ZBTB20: variants seen among roughly 807,000 people sequenced by gnomAD.
The protein encoded by ZBTB20 is zinc finger and BTB domain-containing protein 20.
In ZBTB20, 9 loss-of-function variants were observed where a neutral mutation model predicts 56.9. The observed-to-expected ratio is 0.16, with a 90% confidence interval of 0.10 to 0.28. ZBTB20 has a LOEUF of 0.28. Among genes scored for constraint, ZBTB20 ranks in the 10% least tolerant of loss-of-function variants. The probability of loss-of-function intolerance (pLI) is 1.00; values close to 1 mark genes in which losing one functional copy is unlikely to be tolerated. For missense variants in ZBTB20, 655 were observed against 1,003.0 expected, an observed-to-expected ratio of 0.65 and a Z score of 4.69; for synonymous variants, 417 against 420.7, an observed-to-expected ratio of 0.99 and a Z score of 0.11.
chr3:114,476,543 A>T (rs2040790670), intron 7 of ZBTB20, among the ~76,000 whole-genome samples: 1 of 152,232 alleles, frequency 6.6e-6, no homozygotes, highest in African/African-American at 2.4e-5. Flanking sequence ...TTCTTGCTAG[A>T]TCATCCCATG....
At chr3:114,769,120 T>C (rs948628739) in intron 5 of ZBTB20, among the ~76,000 whole-genome samples, 3 of 152,196 alleles carry the variant, frequency 2.0e-5, no homozygotes, top group Non-Finnish European at 2.9e-5. Flanking sequence ...ATCTTATGGA[T>C]GATGTTTGCA....
At chr3:114,767,309 T>G (rs1211925047) in intron 5 of ZBTB20, among the ~76,000 whole-genome samples, 1 of 152,098 alleles carries the variant, frequency 6.6e-6, no homozygotes, top group Non-Finnish European at 1.5e-5. Context: ...AAATAACTTC[T>G]GCAGAGCACT....
chr3:114,735,450 T>C (rs147936769), intron 5 of ZBTB20, among the ~76,000 whole-genome samples: 51 of 152,234 alleles, frequency 3.4e-4, no homozygotes, highest in African/African-American at 8.7e-4. Flanking sequence ...AGCAGATGCA[T>C]TGGGCCCAAA....
chr3:114,958,390 ATTTAAAAAT>A (rs1489951163), intron 3 of ZBTB20, among the ~76,000 whole-genome samples: 1 of 152,222 alleles, frequency 6.6e-6, no homozygotes. Flanking sequence ...ACAGTTCAAC[ATTTAAAAAT>A]TTTTTAATGA....
At chr3:114,394,027 C>T (rs77774261) in intron 7 of ZBTB20, among the ~76,000 whole-genome samples, 4,082 of 152,244 alleles carry the variant, frequency 0.027, 71 homozygotes, top group Middle Eastern at 0.088. Flanking sequence ...TAGGAAATCA[C>T]ACCACATCGT....
intron 6 of ZBTB20, among the ~76,000 whole-genome samples, chr3:114,577,760 C>G (rs2054238878): frequency 6.6e-6 from 1 of 152,022 alleles, no homozygotes; most frequent in South Asian, 2.1e-4. Context: ...GACCTGAGAG[C>G]TGGAAGAATA....
rs2107972660 is a variant in ZBTB20 at position 114,316,128 on chromosome 3, A to T, written c.*22877T>A. ...GTTTGTTGTGGGTGACGAGTTTAAA[A>T]ATGTTTTTCATAGCCAGAAACTGAA... is the stretch of plus-strand genomic sequence containing the variant. On this transcript the variant is annotated 3_prime_UTR_variant, in exon 12 of 12. Transcript: ENST00000675478. 3.9e-6 allele frequency: 1 copy of T among 258,418 alleles called. No individual in the cohort carries two copies. The highest frequency in any genetic ancestry group is 3.8e-5 in the South Asian group (1 of 26,054). 16.0% of individuals were successfully genotyped at this position (258,418 alleles called of 1,614,324 possible). A position where few individuals can be genotyped will look rare whatever the true frequency, so the allele number is the denominator to read the frequency against.
chr3:114,350,528 G>T lies in ZBTB20; in HGVS notation c.1550C>A (p.Ala517Glu), dbSNP rs771120579. 2 of 1,613,984 alleles carry T rather than the reference G, an allele frequency of 1.2e-6. No individual in the cohort carries two copies. Among genetic ancestry groups the T allele is most frequent in the Non-Finnish European group, 1.7e-6 (2 of 1,180,026 alleles). ...GAGGAAAGGCTTGGGGCCACTGCCC[G>T]CGGGCTGGGTAGTGAAGAGGGCTGG... is the stretch of plus-strand genomic sequence containing the variant. ...YLPALFTTQP[A>E]GSGPKPFLFS... Residue 517 changes from alanine (A) to glutamate (E), a missense_variant, in exon 11 of 12, where the codon GCG (alanine) becomes GAG (glutamate). Coordinates refer to ENST00000675478, the MANE Select transcript of ZBTB20 (RefSeq NM_001348800.3).
chr3:114,920,201 T>C (rs916512941), intron 3 of ZBTB20, among the ~76,000 whole-genome samples: 12 of 152,180 alleles, frequency 7.9e-5, no homozygotes, highest in African/African-American at 2.4e-4. Context: ...TATTCCACTT[T>C]CAAAAATGGA....
At chr3:114,588,215 T>A (rs952921714) in intron 6 of ZBTB20, among the ~76,000 whole-genome samples, 5 of 152,220 alleles carry the variant, frequency 3.3e-5, no homozygotes, top group Admixed American at 6.5e-5. Flanking sequence ...CTTCAAACTT[T>A]GCACAGAATG....
At chr3:114,733,904 G>A (rs561625196) in intron 5 of ZBTB20, among the ~76,000 whole-genome samples, 5 of 151,990 alleles carry the variant, frequency 3.3e-5, no homozygotes, top group Non-Finnish European at 5.9e-5. Context: ...GGCTCCTGGA[G>A]GAAACAAACC....
chr3:114,696,396 C>T (rs2063014431), intron 5 of ZBTB20, among the ~76,000 whole-genome samples: 1 of 152,024 alleles, frequency 6.6e-6, no homozygotes, highest in African/African-American at 2.4e-5. Context: ...CATCCATCCT[C>T]TCTTCCACCC....
chr3:114,768,041 G>A (rs1384274217), intron 5 of ZBTB20, among the ~76,000 whole-genome samples: 1 of 152,024 alleles, frequency 6.6e-6, no homozygotes, highest in East Asian at 1.9e-4. Flanking sequence ...ATTCATCCCT[G>A]CACCATCTAA....
intron 5 of ZBTB20, among the ~76,000 whole-genome samples, chr3:114,720,256 T>G (rs2064823010): frequency 6.7e-6 from 1 of 149,414 alleles, no homozygotes. Context: ...CTAAATATAT[T>G]ATTTAAATAT....
chr3:114,733,757 TG>T (rs2065931209), intron 5 of ZBTB20, among the ~76,000 whole-genome samples: 1 of 152,110 alleles, frequency 6.6e-6, no homozygotes, highest in South Asian at 2.1e-4. Context: ...AACGGCATCA[TG>T]TAGAGGTAGT....
intron 5 of ZBTB20, among the ~76,000 whole-genome samples, chr3:114,769,552 C>CAT (rs6148023): frequency 0.018 from 2,065 of 115,612 alleles, 31 homozygotes; most frequent in African/African-American, 0.045. Context: ...TGCCAAAATG[C>CAT]ATATATATAT....
chr3:114,657,494 T>TG (rs2060479724), intron 6 of ZBTB20, among the ~76,000 whole-genome samples: 1 of 152,218 alleles, frequency 6.6e-6, no homozygotes, highest in African/African-American at 2.4e-5. Context: ...ACATGCACAG[T>TG]TTATATCAGC....
intron 8 of ZBTB20, among the ~76,000 whole-genome samples, chr3:114,384,583 C>T (rs1005224921): frequency 1.5e-4 from 23 of 152,314 alleles, no homozygotes; most frequent in African/African-American, 3.6e-4. Context: ...ACATTTTCAT[C>T]TCCTCACTGC....
intron 1 of ZBTB20, among the ~76,000 whole-genome samples, chr3:115,072,730 C>T (rs965898492): frequency 6.6e-6 from 1 of 152,154 alleles, no homozygotes; most frequent in Non-Finnish European, 1.5e-5. Context: ...GGCCCTTCTC[C>T]ACTACTGTTC....
Sources: gnomAD v4.1 joint callset for allele counts (sites outside exome capture counted in the v4.1 genomes callset) on GRCh38, gnomAD v4.1.1 for gene constraint, MANE v1.5 for transcripts, NCBI Gene and HGNC (gene_info 2026-07-23, HGNC 2026-07-21) for gene names.